Variants in SYN3 observed in about 807,000 individuals in gnomAD.
SYN3 encodes the protein synapsin III, also known as synapsin-3.
A neutral mutation model predicts 65.8 loss-of-function variants in SYN3; 35 were observed. The ratio of observed to expected loss-of-function variants is 0.53; its 90% CI spans 0.41 to 0.70. The LOEUF (loss-of-function observed/expected upper bound fraction) is 0.70, where lower values mean the gene tolerates loss of function less well. Ranked by LOEUF, SYN3 falls within the 30% of genes least tolerant of loss-of-function variation. The pLI is 0.00. For missense variants in SYN3, 680 were observed against 749.0 expected, an observed-to-expected ratio of 0.91 and a Z score of 1.08; for synonymous variants, 270 against 292.9, an observed-to-expected ratio of 0.92 and a Z score of 0.80.
chr22:32,518,787 C>T (rs987101291), intron 12 of SYN3, among the ~76,000 whole-genome samples: 2 of 152,146 alleles, frequency 1.3e-5, no homozygotes, highest in African/African-American at 2.4e-5. Context: ...GAGTGAGTCT[C>T]GGGCTGCGTT....
intron 6 of SYN3, among the ~76,000 whole-genome samples, chr22:32,714,181 A>G (rs750551157): frequency 2.0e-5 from 3 of 152,226 alleles, no homozygotes; most frequent in Admixed American, 6.5e-5. Flanking sequence ...AGCTGAAATC[A>G]TATCTGTTTA....
intron 3 of SYN3, among the ~76,000 whole-genome samples, chr22:32,950,704 G>T (rs781358614): frequency 7.2e-5 from 11 of 152,190 alleles, no homozygotes; most frequent in Non-Finnish European, 1.6e-4. Flanking sequence ...TCAAGGGAGG[G>T]TAAGAGGTTG....
intron 6 of SYN3, among the ~76,000 whole-genome samples, chr22:32,605,608 G>C (rs1029627367): frequency 6.6e-6 from 1 of 152,208 alleles, no homozygotes; most frequent in Admixed American, 6.5e-5. Flanking sequence ...GAGAGGTGAA[G>C]TTTTTGGCCT....
At chr22:32,632,347 T>C (rs2059758503) in intron 6 of SYN3, among the ~76,000 whole-genome samples, 1 of 152,224 alleles carries the variant, frequency 6.6e-6, no homozygotes, top group Non-Finnish European at 1.5e-5. Context: ...CCTGGGCGTT[T>C]AGAATCCCAG....
At chr22:32,624,321 C>A (rs1483011265) in intron 6 of SYN3, among the ~76,000 whole-genome samples, 1 of 152,188 alleles carries the variant, frequency 6.6e-6, no homozygotes, top group African/African-American at 2.4e-5. Context: ...CACTTTCAAA[C>A]CTGTTGCCAG....
At chr22:32,752,718 C>T (rs2045167685) in intron 6 of SYN3, among the ~76,000 whole-genome samples, 2 of 152,196 alleles carry the variant, frequency 1.3e-5, no homozygotes, top group Admixed American at 1.3e-4. Flanking sequence ...AGTCACCTAA[C>T]CTCCTTCTGG....
At position 32,602,438 on chromosome 22, in the gene SYN3, T is replaced by TTTTTGTTTTG. The variant is rs140839121; in HGVS notation, c.712-5712_712-5703dup. Reference sequence around the variant, plus strand: ...ATAAAGATAGTTCTATCCCGATAGTTTTTTGTTTTGTTTTGTTTTGTTTGT... The same window carrying TTTTTGTTTTG: ...ATAAAGATAGTTCTATCCCGATAGTTTTTTGTTTTGTTTTGTTTTGTTTTGTTTTGTTTGT... On this transcript the variant is annotated intron_variant, in intron 6 of 13. Coordinates refer to ENST00000358763, the MANE Select transcript of SYN3 (RefSeq NM_003490.4). Among the ~76,000 whole-genome samples the TTTTTGTTTTG allele has an allele frequency of 1.4e-3, 205 of 151,222 alleles. 1 individual carries two copies. Among genetic ancestry groups the TTTTTGTTTTG allele is most frequent in the African/African-American group, 4.8e-3 (194 of 40,596 alleles).
rs2057679882 is a variant in SYN3, at chr22:32,510,598, TTAA to T, written c.*3091_*3093del. 6.6e-6 allele frequency among the ~76,000 whole-genome samples: 1 copy of T among 152,190 alleles called. No homozygotes were observed. The highest frequency in any genetic ancestry group is 1.5e-5 in the Non-Finnish European group (1 of 68,042). ...TCAGGATGTCACACAGCATTATTTA[TTAA>T]TATTTGAAAGGTCTACCCCTGAGTA... On this transcript the variant is annotated 3_prime_UTR_variant, in exon 14 of 14. Transcript: ENST00000358763.
chr22:32,966,548 A>G (rs1462794355), intron 3 of SYN3, among the ~76,000 whole-genome samples: 1 of 152,162 alleles, frequency 6.6e-6, no homozygotes, highest in East Asian at 1.9e-4. Flanking sequence ...GCATGAGAGG[A>G]AAGTGACCAA....
chr22:33,039,228 G>A (rs1469236169), intron 1 of SYN3, among the ~76,000 whole-genome samples: 1 of 152,108 alleles, frequency 6.6e-6, no homozygotes, highest in Non-Finnish European at 1.5e-5. Flanking sequence ...AGTACGGTGT[G>A]GAGCCAGCAT....
chr22:32,992,486 G>A (rs1601859774), intron 2 of SYN3, among the ~76,000 whole-genome samples: 3 of 152,218 alleles, frequency 2.0e-5, no homozygotes, highest in Middle Eastern at 3.4e-3. Flanking sequence ...CTCTAGCTTG[G>A]GGGGTTTCTA....
chr22:32,848,129 C>G (rs1052035323), intron 6 of SYN3, among the ~76,000 whole-genome samples: 1 of 152,236 alleles, frequency 6.6e-6, no homozygotes, highest in African/African-American at 2.4e-5. Flanking sequence ...TTTCACACAA[C>G]GTAGAAAGAG....
intron 6 of SYN3, among the ~76,000 whole-genome samples, chr22:32,662,843 G>A (rs987356095): frequency 6.6e-6 from 1 of 152,166 alleles, no homozygotes; most frequent in Admixed American, 6.5e-5. Flanking sequence ...AGAATTACAT[G>A]AGTGGATAGA....
chr22:32,606,509 A>T lies in SYN3; in HGVS notation c.712-9773T>A, dbSNP rs919910073. ...TTCTGTAATTCTGCCATGTTGTGAC[A>T]AATCTACCAAATGCCATTTAGAGGA... On this transcript the variant is annotated intron_variant, in intron 6 of 13. Coordinates refer to ENST00000358763, the MANE Select transcript of SYN3 (RefSeq NM_003490.4). 2.6e-4 allele frequency among the ~76,000 whole-genome samples: 40 copies of T among 152,344 alleles called. 3 individuals are homozygous for T. The highest frequency in any genetic ancestry group is 2.3e-3 in the Admixed American group (35 of 15,304).
At chr22:32,541,825 C>T in intron 7 of SYN3, 112 bp from the exon 8 acceptor site, 2 of 1,294,890 alleles carry the variant, frequency 1.5e-6, no homozygotes, top group Middle Eastern at 1.9e-4. Context: ...CAGAAGGTCA[C>T]CTGCTGGCAG....
chr22:33,005,305 T>C (rs1486237339), intron 2 of SYN3, among the ~76,000 whole-genome samples: 2 of 152,238 alleles, frequency 1.3e-5, no homozygotes, highest in Non-Finnish European at 2.9e-5. Context: ...CAGACTTTTC[T>C]GGTTCCCATC....
At chr22:32,792,224 A>T (rs1221575540) in intron 6 of SYN3, among the ~76,000 whole-genome samples, 1 of 145,330 alleles carries the variant, frequency 6.9e-6, no homozygotes, top group Admixed American at 6.9e-5. Context: ...TCAAGGTCAC[A>T]GTGAAAAAGC....
At chr22:32,930,296 C>T (rs2050592292) in intron 4 of SYN3, among the ~76,000 whole-genome samples, 1 of 152,080 alleles carries the variant, frequency 6.6e-6, no homozygotes, top group Admixed American at 6.6e-5. Context: ...AGAGATCTAA[C>T]GGTTTTATAA....
chr22:32,777,609 C>T (rs547318406), intron 6 of SYN3, among the ~76,000 whole-genome samples: 3 of 152,156 alleles, frequency 2.0e-5, no homozygotes, highest in African/African-American at 4.8e-5. Context: ...TGTCGGGTAC[C>T]GTGCTAGACA....
Sources: allele counts gnomAD v4.1 joint callset (sites outside exome capture counted in the v4.1 genomes callset), GRCh38; gene constraint gnomAD v4.1.1; transcripts MANE v1.5; gene names NCBI Gene and HGNC (gene_info 2026-07-23, HGNC 2026-07-21).